ATP6V0D2: variants seen among roughly 807,000 people sequenced by gnomAD.
ATP6V0D2 encodes the protein ATPase H+ transporting V0 subunit d2, also known as V-type proton ATPase subunit d 2.
ATP6V0D2 carries 40 observed loss-of-function variants against 40.0 expected under a neutral mutation model. The observed-to-expected ratio is 1.00, with a 90% CI of 0.78 to 1.30. ATP6V0D2 has a LOEUF of 1.30. ATP6V0D2 is among the 50% of genes most tolerant of loss of function. ATP6V0D2 has a pLI of 0.00. For synonymous variants in ATP6V0D2, 179 were observed against 156.3 expected (o/e 1.15, Z -1.08); for missense variants, 470 against 423.1 (o/e 1.11, Z -0.97).
In ATP6V0D2 at chr8:86,109,106, G is replaced by A. The variant is rs146639956; in HGVS notation, c.131-4603G>A. 8.1e-4 allele frequency among the ~76,000 whole-genome samples: 124 copies of A among 152,268 alleles called. 1 individual carries two copies. The highest frequency in any genetic ancestry group is 2.9e-3 in the African/African-American group (122 of 41,548). On this transcript the variant is annotated intron_variant, in intron 1 of 7. Coordinates refer to ENST00000285393, the MANE Select transcript of ATP6V0D2 (RefSeq NM_152565.1). ...ATAAAAAGTAGTGTAATTTTCCCAA[G>A]TGTGCTCTGTGGGCGGCCCATTGTT...
chr8:86,110,933 T>C (rs1020310480), intron 1 of ATP6V0D2, among the ~76,000 whole-genome samples: 1 of 152,130 alleles, frequency 6.6e-6, no homozygotes, highest in Non-Finnish European at 1.5e-5. Flanking sequence ...CTACATGTTA[T>C]CAATCAAGTG....
intron 2 of ATP6V0D2, among the ~76,000 whole-genome samples, chr8:86,128,717 C>T (rs1475836306): frequency 1.3e-5 from 2 of 152,126 alleles, no homozygotes; most frequent in Non-Finnish European, 2.9e-5. Context: ...AGATACAAAA[C>T]AAGATGGTAA....
rs957399170 is a variant in ATP6V0D2, at chr8:86,141,508, G to T, written c.540G>T (p.Leu180Phe). The T allele has an allele frequency of 6.2e-7, 1 of 1,607,134 alleles. No individual in the cohort carries two copies. The highest frequency in any genetic ancestry group is 2.2e-5 in the East Asian group (1 of 44,692). Residue 180 changes from leucine to phenylalanine, a missense_variant, in exon 4 of 8, where the codon TTG becomes TTT. Physicochemically the swap from Leu to Phe is conservative, Grantham distance 22 (BLOSUM62 0). Transcript: ENST00000285393. Reference protein sequence around the residue: ...ENALDELNIELLRNKLYKSYL... With the variant: ...ENALDELNIEFLRNKLYKSYL... ...CTCTAGATGAACTGAATATTGAATT[G>T]CTACGCAATAAACTATACAAGGTAA...
Position 86,136,438 on chromosome 8 carries a change from G to A in ATP6V0D2, c.303-3019G>A, listed in dbSNP as rs191562375. On this transcript the variant is annotated intron_variant, in intron 2 of 7. Coordinates refer to ENST00000285393, the MANE Select transcript of ATP6V0D2 (RefSeq NM_152565.1). ...GGTTGTGGGGAACAATTAAATGTCTGGAGTCTGCTAAGCATTATTAAGTAC... is the reference window on the plus strand; with the variant it reads ...GGTTGTGGGGAACAATTAAATGTCTAGAGTCTGCTAAGCATTATTAAGTAC... Among the ~76,000 whole-genome samples the A allele has an allele frequency of 9.1e-4, 138 of 152,176 alleles. 1 individual carries two copies. Among genetic ancestry groups the A allele is most frequent in the African/African-American group, 2.6e-3 (109 of 41,524 alleles).
In ATP6V0D2 at chr8:86,142,849, T is replaced by A. The variant is rs1353895030; in HGVS notation, c.562-28T>A. On this transcript the variant is annotated intron_variant, in intron 4 of 7. Transcript: ENST00000285393. ...TCAAAAGGAATATATATTCATTATA[T>A]CACTTTATGATCTTTTTTCTTTTTA... 2.9e-6 allele frequency: 4 copies of A among 1,394,380 alleles called. No homozygotes were observed. In the East Asian group the frequency reaches 6.9e-5, roughly 24 times the overall value. 86.4% of individuals were successfully genotyped at this position (1,394,380 alleles called of 1,614,324 possible).
At chr8:86,105,348 AG>A (rs1818455368) in intron 1 of ATP6V0D2, among the ~76,000 whole-genome samples, 1 of 152,024 alleles carries the variant, frequency 6.6e-6, no homozygotes, top group African/African-American at 2.4e-5. Flanking sequence ...CCCAGGCTGG[AG>A]TGCAGTGGCA....
In ATP6V0D2 at chr8:86,153,155, T is replaced by C; in HGVS notation, c.*178T>C. 1 of 464,184 alleles carries C rather than the reference T, an allele frequency of 2.2e-6. No individual in the cohort carries two copies. The highest frequency in any genetic ancestry group is 4.5e-5 in the South Asian group (1 of 22,324). 28.8% of individuals were successfully genotyped at this position (464,184 alleles called of 1,614,324 possible). ...AGCCCTGAAACAAAGCATTTCCTTGTTTTCAGTGGTATTAGATCTTGTTTC... is the reference window on the plus strand; with the variant it reads ...AGCCCTGAAACAAAGCATTTCCTTGCTTTCAGTGGTATTAGATCTTGTTTC... On this transcript the variant is annotated 3_prime_UTR_variant, in exon 8 of 8. Transcript: ENST00000285393.
intron 2 of ATP6V0D2, among the ~76,000 whole-genome samples, 165 bp downstream of exon 2, chr8:86,114,045 A>C (rs986554401): frequency 6.6e-6 from 1 of 152,092 alleles, no homozygotes; most frequent in African/African-American, 2.4e-5. Context: ...ATAGAGCCAC[A>C]TTTTTGCATT....
chr8:86,124,074 G>A (rs1818708715), intron 2 of ATP6V0D2, among the ~76,000 whole-genome samples: 1 of 152,072 alleles, frequency 6.6e-6, no homozygotes, highest in Admixed American at 6.6e-5. Flanking sequence ...ATGCCCTTGT[G>A]ATCCTGAGTC....
chr8:86,141,536 G>A lies in ATP6V0D2; in HGVS notation c.561+7G>A, dbSNP rs928277453. The A allele has an allele frequency of 1.9e-5, 30 of 1,571,164 alleles. No individual in the cohort carries two copies. In the East Asian group the frequency reaches 6.8e-4, roughly 36 times the overall value. On this transcript the variant is annotated splice_region_variant and intron_variant, in intron 4 of 7. Transcript: ENST00000285393. ...ACGCAATAAACTATACAAGGTAATG[G>A]TTTTCCCAAATATTGTCTTTTTCTT... is the stretch of plus-strand genomic sequence containing the variant.
chr8:86,152,998 G>A lies in ATP6V0D2; in HGVS notation c.*21G>A. On this transcript the variant is annotated 3_prime_UTR_variant, in exon 8 of 8. Transcript: ENST00000285393. Reference sequence around the variant, plus strand: ...TATAACCCAAGTAAGGTTCTCAAATGTAGAAAATTATAAATGTTAAAAGGA... The same window carrying A: ...TATAACCCAAGTAAGGTTCTCAAATATAGAAAATTATAAATGTTAAAAGGA... The A allele has an allele frequency of 6.5e-7, 1 of 1,542,716 alleles. No individual in the cohort carries two copies. The highest frequency in any genetic ancestry group is 8.7e-7 in the Non-Finnish European group (1 of 1,148,106).
rs763887579 is a variant in ATP6V0D2 at position 86,098,992 on chromosome 8, C to T, written c.14C>T (p.Ala5Val). The T allele has an allele frequency of 9.9e-6, 16 of 1,613,694 alleles. No homozygotes were observed. The highest frequency in any genetic ancestry group is 3.3e-5 in the Admixed American group (2 of 59,938). The change falls in exon 1 of 8, where the codon GCG becomes GTG. Residue 5 changes from alanine (A) to valine (V), a missense_variant. Physicochemically the swap from Ala to Val is moderately conservative, Grantham distance 64 (BLOSUM62 0). Coordinates refer to ENST00000285393, the MANE Select transcript of ATP6V0D2 (RefSeq NM_152565.1). ...ATCTCTTCCCCCATGCTCGAAGGTG[C>T]GGAGCTGTACTTCAACGTGGACCAT... is the stretch of plus-strand genomic sequence containing the variant. MLEGAELYFNVDHGY... is the reference protein window; with the variant it reads MLEGVELYFNVDHGY...
intron 5 of ATP6V0D2, among the ~76,000 whole-genome samples, chr8:86,149,612 G>A (rs1352366269): frequency 1.3e-5 from 2 of 152,092 alleles, no homozygotes; most frequent in Non-Finnish European, 2.9e-5. Context: ...GTAAACAAAT[G>A]GTAGGTAGCA....
chr8:86,151,674 G>GA, intron 7 of ATP6V0D2, 134 bp downstream of exon 7: 1 of 631,732 alleles, frequency 1.6e-6, no homozygotes, highest in South Asian at 2.1e-5. Flanking sequence ...GATAGTCAGT[G>GA]ATGTATTATT....
At chr8:86,118,218 G>T (rs1183838377) in intron 2 of ATP6V0D2, among the ~76,000 whole-genome samples, 1 of 139,818 alleles carries the variant, frequency 7.2e-6, no homozygotes, top group Non-Finnish European at 1.5e-5. Flanking sequence ...ACGCCACCAC[G>T]CCCAGCTAAT....
intron 3 of ATP6V0D2, among the ~76,000 whole-genome samples, chr8:86,141,236 C>T (rs529696733): frequency 1.1e-3 from 165 of 152,230 alleles, no homozygotes; most frequent in African/African-American, 3.9e-3. Flanking sequence ...GGGTTGGGGA[C>T]CCCTGGTTTA....
intron 1 of ATP6V0D2, among the ~76,000 whole-genome samples, chr8:86,104,850 TACACACACAC>T (rs146266622): frequency 3.4e-4 from 49 of 146,078 alleles, no homozygotes; most frequent in African/African-American, 1.2e-3. Context: ...TTAAAACACA[TACACACACAC>T]ACACACACAC....
At chr8:86,138,976 C>T (rs1443326886) in intron 2 of ATP6V0D2, among the ~76,000 whole-genome samples, 1 of 152,132 alleles carries the variant, frequency 6.6e-6, no homozygotes, top group Non-Finnish European at 1.5e-5. Flanking sequence ...GCCTATAATT[C>T]CAGAATTTTG....
intron 5 of ATP6V0D2, among the ~76,000 whole-genome samples, chr8:86,148,861 T>C (rs1311202748): frequency 1.3e-5 from 2 of 151,758 alleles, no homozygotes; most frequent in Middle Eastern, 6.8e-3. Flanking sequence ...TTCTTGAGCC[T>C]AGGAGTTCAA....
Sources: gnomAD v4.1 joint callset for allele counts (sites outside exome capture counted in the v4.1 genomes callset) on GRCh38, gnomAD v4.1.1 for gene constraint, MANE v1.5 for transcripts, NCBI Gene and HGNC (gene_info 2026-07-23, HGNC 2026-07-21) for gene names.